TENM3: variants seen among roughly 807,000 people sequenced by gnomAD.
TENM3 encodes the protein teneurin transmembrane protein 3, also known as teneurin-3.
In TENM3, 63 loss-of-function variants were observed where a neutral mutation model predicts 255.1. The ratio of observed to expected loss-of-function variants is 0.25; its 90% CI spans 0.20 to 0.30. The LOEUF (loss-of-function observed/expected upper bound fraction) is 0.30. TENM3 is among the 10% of genes least tolerant of loss of function. The pLI is 1.00. For synonymous variants in TENM3, 1,306 were observed against 1,322.3 expected, an observed-to-expected ratio of 0.99 and a Z score of 0.27; for missense variants, 2,929 against 3,461.1, an observed-to-expected ratio of 0.85 and a Z score of 3.86.
intron 1 of TENM3, among the ~76,000 whole-genome samples, chr4:182,183,592 A>T (rs1016151851): frequency 1.3e-5 from 2 of 152,186 alleles, no homozygotes; most frequent in African/African-American, 4.8e-5. Context: ...TAGTTATTCC[A>T]GCTGAAGTTT....
At chr4:182,064,489 A>G in the TENM3 span, among the ~76,000 whole-genome samples, 32 of 152,230 alleles carry the variant, frequency 2.1e-4, no homozygotes, top group East Asian at 3.9e-4. Context: ...AGGCTGAGGC[A>G]GGAGAATGGC....
chr4:182,267,632 G>A (rs1049624246), intron 1 of TENM3, among the ~76,000 whole-genome samples: 1 of 151,410 alleles, frequency 6.6e-6, no homozygotes, highest in African/African-American at 2.4e-5. Flanking sequence ...ATATTGGAGT[G>A]TGCAAACCCA....
At chr4:182,601,280 T>A in intron 4 of TENM3, 119 bp downstream of exon 4, 1 of 828,264 alleles carries the variant, frequency 1.2e-6, no homozygotes, top group Non-Finnish European at 1.9e-6. Context: ...GTTTTCTTTT[T>A]TCTTCTCTAA....
the TENM3 span, among the ~76,000 whole-genome samples, chr4:181,518,776 C>T: frequency 6.6e-6 from 1 of 152,064 alleles, no homozygotes; most frequent in African/African-American, 2.4e-5. Flanking sequence ...CCTTCCTAGC[C>T]ACCTATAATC....
intron 3 of TENM3, among the ~76,000 whole-genome samples, chr4:182,481,384 C>T (rs567517546): frequency 1.8e-4 from 27 of 152,144 alleles, no homozygotes; most frequent in African/African-American, 6.5e-4. Flanking sequence ...AAGTATAGCT[C>T]CTGTTAGTTA....
At chr4:181,850,875 G>T in the TENM3 span, among the ~76,000 whole-genome samples, 2 of 152,042 alleles carry the variant, frequency 1.3e-5, no homozygotes, top group Non-Finnish European at 2.9e-5. Flanking sequence ...CTTATTTCCG[G>T]TTTTCTCCTT....
the TENM3 span, among the ~76,000 whole-genome samples, chr4:181,775,304 TA>T: frequency 6.6e-6 from 1 of 152,184 alleles, no homozygotes; most frequent in Admixed American, 6.5e-5. Context: ...TTCCCTGCCT[TA>T]ATAGACACAG....
chr4:182,039,545 T>C, the TENM3 span, among the ~76,000 whole-genome samples: 458 of 152,246 alleles, frequency 3.0e-3, 4 homozygotes, highest in African/African-American at 0.01. Flanking sequence ...AGGTTCCCAC[T>C]GTGTGAAAAA....
chr4:182,377,500 G>A (rs754425936), intron 3 of TENM3, among the ~76,000 whole-genome samples: 1 of 152,046 alleles, frequency 6.6e-6, no homozygotes, highest in Admixed American at 6.6e-5. Context: ...TTTTAGTAGA[G>A]ATGAGGTTTC....
chr4:182,548,089 T>C (rs1386342489), intron 3 of TENM3, among the ~76,000 whole-genome samples: 1 of 151,768 alleles, frequency 6.6e-6, no homozygotes, highest in Non-Finnish European at 1.5e-5. Flanking sequence ...CCACGCATGG[T>C]AGTGTACACC....
At chr4:181,447,748 G>C in the TENM3 span, among the ~76,000 whole-genome samples, 63,845 of 151,990 alleles carry the variant, frequency 0.42, 13,862 homozygotes, top group African/African-American at 0.5. Flanking sequence ...GTTCCGGAGC[G>C]GCTTCCTAGG....
the TENM3 span, among the ~76,000 whole-genome samples, chr4:181,937,160 T>C: frequency 2.0e-5 from 3 of 152,004 alleles, no homozygotes; most frequent in Admixed American, 6.6e-5. Flanking sequence ...GCTCTGACAG[T>C]GGAGAAAACT....
At chr4:182,268,034 A>T (rs1454683197) in intron 1 of TENM3, among the ~76,000 whole-genome samples, 1 of 152,206 alleles carries the variant, frequency 6.6e-6, no homozygotes, top group Non-Finnish European at 1.5e-5. Context: ...CAGTATTCTC[A>T]TTCTGGGCGC....
At chr4:182,398,542 T>C (rs1395261970) in intron 3 of TENM3, among the ~76,000 whole-genome samples, 1 of 152,214 alleles carries the variant, frequency 6.6e-6, no homozygotes, top group Admixed American at 6.5e-5. Flanking sequence ...AAAGTGTCTC[T>C]ATGTCTTTCT....
At chr4:181,488,513 G>A in the TENM3 span, among the ~76,000 whole-genome samples, 1 of 152,018 alleles carries the variant, frequency 6.6e-6, no homozygotes, top group Non-Finnish European at 1.5e-5. Context: ...TTTGAATTGG[G>A]AAAAAAACTG....
At chr4:181,872,598 A>G in the TENM3 span, among the ~76,000 whole-genome samples, 4 of 152,276 alleles carry the variant, frequency 2.6e-5, no homozygotes, top group South Asian at 6.2e-4. Context: ...AATGTCCATA[A>G]TATTTCTTTA....
At chr4:182,197,200 G>A (rs1385900301) in intron 1 of TENM3, among the ~76,000 whole-genome samples, 4 of 152,124 alleles carry the variant, frequency 2.6e-5, no homozygotes, top group Non-Finnish European at 4.4e-5. Flanking sequence ...ACACTGCAGC[G>A]GGCGTTCAGT....
chr4:182,712,430 T>TA (rs79642394), intron 12 of TENM3, among the ~76,000 whole-genome samples: 20 of 141,024 alleles, frequency 1.4e-4, no homozygotes, highest in Admixed American at 6.4e-4. Flanking sequence ...TCGTTTTCAT[T>TA]AAAAAAAAAA....
chr4:182,178,254 G>A (rs1752638488), intron 1 of TENM3, among the ~76,000 whole-genome samples: 2 of 151,996 alleles, frequency 1.3e-5, no homozygotes, highest in South Asian at 4.2e-4. Flanking sequence ...ATAACTAAAT[G>A]GCCCACTTTA....
Sources: gnomAD v4.1 joint callset for allele counts (sites outside exome capture counted in the v4.1 genomes callset) on GRCh38, gnomAD v4.1.1 for gene constraint, MANE v1.5 for transcripts, NCBI Gene and HGNC (gene_info 2026-07-23, HGNC 2026-07-21) for gene names.